The following XRN1 variants were observed in gnomAD, a reference collection of about 807,000 sequenced individuals.
XRN1 encodes strand-exchange protein 1 homolog.
XRN1 carries 67 observed loss-of-function variants against 222.3 expected under a neutral mutation model. The observed-to-expected ratio is 0.30, with a 90% CI of 0.25 to 0.37. The LOEUF is 0.37. Among genes scored for constraint, XRN1 ranks in the 10% least tolerant of loss-of-function variants. XRN1 has a pLI of 1.00. For synonymous variants in XRN1, 643 were observed against 652.4 expected, an observed-to-expected ratio of 0.99 and a Z score of 0.22; for missense variants, 1,707 against 2,000.2, an observed-to-expected ratio of 0.85 and a Z score of 2.80.
At chr3:142,345,520 G>A (rs2066121324) in intron 33 of XRN1, among the ~76,000 whole-genome samples, 1 of 152,100 alleles carries the variant, frequency 6.6e-6, no homozygotes, top group South Asian at 2.1e-4. Flanking sequence ...TAAGGTACAA[G>A]CAACCAAAGA....
chr3:142,309,605 G>A lies in XRN1; in HGVS notation c.*1906C>T, dbSNP rs1444672223. 1 of 152,224 alleles carries A rather than the reference G, an allele frequency of 6.6e-6. No individual in the cohort carries two copies. Among genetic ancestry groups the A allele is most frequent in the Non-Finnish European group, 1.5e-5 (1 of 68,054 alleles). 9.4% of individuals were successfully genotyped at this position (152,224 alleles called of 1,614,324 possible). On this transcript the variant is annotated 3_prime_UTR_variant, in exon 41 of 41. Transcript: ENST00000392981. ...GGTCAAGTATCCTTATGGGTTTAGT[G>A]CACTATGTCTACTGAAATTTCCCTT... is the stretch of plus-strand genomic sequence containing the variant.
At chr3:142,333,743 T>C (rs76428151) in intron 34 of XRN1, among the ~76,000 whole-genome samples, 4 of 152,114 alleles carry the variant, frequency 2.6e-5, no homozygotes, top group East Asian at 1.9e-4. Flanking sequence ...CTTATATGAA[T>C]AGAAAGAGAA....
At chr3:142,402,385 G>GTTT (rs1393306085) in intron 18 of XRN1, among the ~76,000 whole-genome samples, 1 of 151,972 alleles carries the variant, frequency 6.6e-6, no homozygotes, top group Non-Finnish European at 1.5e-5. Context: ...GTTTCACCAT[G>GTTT]TTGGCCAGAC....
intron 20 of XRN1, among the ~76,000 whole-genome samples, chr3:142,392,578 G>A (rs537955247): frequency 1.3e-5 from 2 of 151,484 alleles, no homozygotes; most frequent in Admixed American, 1.3e-4. Flanking sequence ...TGCGGTGTTT[G>A]GTTTTTTGTT....
intron 2 of XRN1, among the ~76,000 whole-genome samples, chr3:142,431,115 A>G (rs1360386457): frequency 6.6e-6 from 1 of 152,186 alleles, no homozygotes; most frequent in Admixed American, 6.5e-5. Context: ...CATTAGAAGA[A>G]CCTCTTAGTT....
intron 15 of XRN1, among the ~76,000 whole-genome samples, chr3:142,411,861 T>G (rs1420732122): frequency 6.6e-6 from 1 of 150,668 alleles, no homozygotes; most frequent in African/African-American, 2.4e-5. Flanking sequence ...TCTCGCTGTC[T>G]CCCAGGCTGG....
chr3:142,424,164 G>A, intron 5 of XRN1, among the ~76,000 whole-genome samples: 1 of 152,054 alleles, frequency 6.6e-6, no homozygotes, highest in East Asian at 1.9e-4. Context: ...CGCGATCTTG[G>A]CTCACTGCAA....
chr3:142,347,391 T>C, intron 32 of XRN1, 49 bp from the exon 33 acceptor site: 1 of 1,143,222 alleles, frequency 8.7e-7, no homozygotes, highest in Non-Finnish European at 1.2e-6. Context: ...ATATTATAAC[T>C]ACTTCTTATC....
intron 10 of XRN1, 58 bp from the exon 11 acceptor site, chr3:142,418,939 C>A: frequency 1.3e-6 from 2 of 1,497,598 alleles, no homozygotes; most frequent in Admixed American, 3.3e-5. Flanking sequence ...AATGAGATGT[C>A]ATTTCTCTTC....
intron 26 of XRN1, among the ~76,000 whole-genome samples, chr3:142,370,929 C>T (rs2066969638): frequency 6.6e-6 from 1 of 152,024 alleles, no homozygotes; most frequent in Admixed American, 6.5e-5. Context: ...CGCCTGTAAT[C>T]CCAGCACTTT....
rs545260765 is a variant in XRN1, at chr3:142,381,786, C to T, written c.2616+1514G>A. On this transcript the variant is annotated intron_variant, in intron 22 of 40. Coordinates refer to ENST00000392981, the MANE Select transcript of XRN1 (RefSeq NM_001282857.2). ...TTCGCTGTGTTGGCCAGCCTGGTCTCGAACTCCTGGCCTCAAGTGATTGCC... is the reference window on the plus strand; with the variant it reads ...TTCGCTGTGTTGGCCAGCCTGGTCTTGAACTCCTGGCCTCAAGTGATTGCC... Among the ~76,000 whole-genome samples the T allele has an allele frequency of 2.6e-5, 4 of 152,072 alleles. No individual in the cohort carries two copies. In the South Asian group the frequency reaches 8.3e-4, roughly 32 times the overall value.
At chr3:142,362,040 C>G (rs1245732912) in intron 29 of XRN1, among the ~76,000 whole-genome samples, 1 of 144,268 alleles carries the variant, frequency 6.9e-6, no homozygotes, top group African/African-American at 2.6e-5. Flanking sequence ...GTGATCTCAG[C>G]TCAGTGCAAC....
chr3:142,330,900 G>A (rs759669290), intron 36 of XRN1, among the ~76,000 whole-genome samples: 17 of 151,988 alleles, frequency 1.1e-4, no homozygotes, highest in Non-Finnish European at 1.9e-4. Flanking sequence ...TCCACCTCCC[G>A]GGTTCAAGCG....
chr3:142,361,432 A>G (rs1358490726), intron 29 of XRN1, among the ~76,000 whole-genome samples: 1 of 152,212 alleles, frequency 6.6e-6, no homozygotes, highest in South Asian at 2.1e-4. Context: ...GCTGGGCCCT[A>G]TGCTATGATG....
At chr3:142,393,075 G>C (rs1054116573) in intron 20 of XRN1, among the ~76,000 whole-genome samples, 1 of 151,864 alleles carries the variant, frequency 6.6e-6, no homozygotes, top group Middle Eastern at 3.4e-3. Flanking sequence ...CTGATGGCCA[G>C]TGATCATGAG....
At chr3:142,434,597 TATTAA>T (rs1475403526) in intron 1 of XRN1, among the ~76,000 whole-genome samples, 2 of 145,498 alleles carry the variant, frequency 1.4e-5, no homozygotes, top group Admixed American at 7.2e-5. Flanking sequence ...CCAAGAAGAG[TATTAA>T]AAAGAAGAAT....
chr3:142,374,870 T>G (rs1444970799), intron 25 of XRN1, among the ~76,000 whole-genome samples: 1 of 152,142 alleles, frequency 6.6e-6, no homozygotes, highest in Admixed American at 6.5e-5. Flanking sequence ...TCAAACAAAA[T>G]GTGGTCATTA....
At chr3:142,396,179 A>C (rs2067922199) in intron 20 of XRN1, among the ~76,000 whole-genome samples, 1 of 152,194 alleles carries the variant, frequency 6.6e-6, no homozygotes, top group African/African-American at 2.4e-5. Context: ...CAATACATTG[A>C]TATTCACATA....
At chr3:142,389,046 C>G (rs2067616292) in intron 20 of XRN1, among the ~76,000 whole-genome samples, 1 of 152,162 alleles carries the variant, frequency 6.6e-6, no homozygotes, top group South Asian at 2.1e-4. Context: ...AAAACTCTGT[C>G]TCTACTAAAT....
Sources: allele counts gnomAD v4.1 joint callset (sites outside exome capture counted in the v4.1 genomes callset), GRCh38; gene constraint gnomAD v4.1.1; transcripts MANE v1.5; gene names NCBI Gene and HGNC (gene_info 2026-07-23, HGNC 2026-07-21).